Variants in GTF2A1 observed in about 807,000 individuals in gnomAD.
GTF2A1 encodes the protein general transcription factor IIA subunit 1, also known as transcription initiation factor IIA subunit 1.
Under a neutral mutation model 54.1 loss-of-function variants are expected in GTF2A1, and 12 were observed. The observed-to-expected ratio is 0.22, with a 90% confidence interval of 0.14 to 0.36. The LOEUF is 0.36. Ranked by LOEUF, GTF2A1 falls within the 10% of genes least tolerant of loss-of-function variation. The probability of loss-of-function intolerance (pLI) is 1.00; values close to 1 mark genes in which losing one functional copy is unlikely to be tolerated. For missense variants in GTF2A1, 335 were observed against 442.2 expected, an observed-to-expected ratio of 0.76 and a Z score of 2.17; for synonymous variants, 145 against 152.0, an observed-to-expected ratio of 0.95 and a Z score of 0.34.
At chr14:81,207,334 T>C (rs1893259816) in intron 2 of GTF2A1, among the ~76,000 whole-genome samples, 1 of 152,164 alleles carries the variant, frequency 6.6e-6, no homozygotes, top group South Asian at 2.1e-4. Context: ...GATGGGTTTA[T>C]CAGGTGTTTT....
intron 4 of GTF2A1, among the ~76,000 whole-genome samples, chr14:81,198,528 G>A (rs1893037273): frequency 6.6e-6 from 1 of 152,142 alleles, no homozygotes; most frequent in South Asian, 2.1e-4. Flanking sequence ...TTAAATCCAG[G>A]ACAAATTCTT....
chr14:81,205,966 A>G (rs2140032900), intron 2 of GTF2A1, among the ~76,000 whole-genome samples: 1 of 152,324 alleles, frequency 6.6e-6, no homozygotes, highest in Admixed American at 6.5e-5. Context: ...CAAACCTTCT[A>G]CATCTTCTCC....
intron 4 of GTF2A1, among the ~76,000 whole-genome samples, chr14:81,199,833 T>C (rs1893065409): frequency 1.3e-5 from 2 of 152,140 alleles, no homozygotes; most frequent in South Asian, 4.1e-4. Flanking sequence ...AAAATTCTTT[T>C]AGAGGGGCCT....
intron 2 of GTF2A1, among the ~76,000 whole-genome samples, chr14:81,211,908 T>TATATATATATA (rs987020246): frequency 7.2e-6 from 1 of 138,580 alleles, no homozygotes; most frequent in Non-Finnish European, 1.5e-5. Context: ...TATATATATA[T>TATATATATATA]AACTAGAGTA....
chr14:81,193,450 C>T (rs1485889745), intron 6 of GTF2A1, among the ~76,000 whole-genome samples: 5 of 152,082 alleles, frequency 3.3e-5, no homozygotes, highest in South Asian at 2.1e-4. Flanking sequence ...TGAGCCACAA[C>T]GCCTGGCCAA....
Position 81,201,614 on chromosome 14 carries a change from G to T in GTF2A1, c.382C>A (p.His128Asn), listed in dbSNP as rs1168154350. ...VIVPDSKLIQHMNASNMSAAA... is the reference protein window; with the variant it reads ...VIVPDSKLIQNMNASNMSAAA... ...CTTACCATGTTTGATGCATTCATAT[G>T]CTGTATCAACTTAGAATCTGGAACA... Residue 128 changes from histidine (H) to asparagine (N), a missense_variant, in exon 4 of 9, where the codon CAT (histidine) becomes AAT (asparagine). By Grantham distance (68) the His-to-Asn change is moderately conservative (BLOSUM62 1). Around this residue, in one of 2 missense-constraint regions of GTF2A1, gnomAD observed 306 missense variants for 360.4 expected, o/e 0.85. Coordinates refer to ENST00000553612, the MANE Select transcript of GTF2A1 (RefSeq NM_015859.4). 1 of 1,604,574 alleles carries T rather than the reference G, an allele frequency of 6.2e-7. No individual in the cohort carries two copies.
intron 7 of GTF2A1, among the ~76,000 whole-genome samples, chr14:81,188,467 T>C (rs1414901691): frequency 6.6e-6 from 1 of 152,168 alleles, no homozygotes; most frequent in African/African-American, 2.4e-5. Context: ...CTGGGTGTCA[T>C]GTCTAAGAAA....
At chr14:81,214,938 C>G (rs1395835893) in intron 2 of GTF2A1, among the ~76,000 whole-genome samples, 2 of 152,140 alleles carry the variant, frequency 1.3e-5, no homozygotes, top group Non-Finnish European at 2.9e-5. Flanking sequence ...AATCTGCCTT[C>G]CTACAATTAA....
chr14:81,187,380 G>A (rs572384297), intron 7 of GTF2A1, among the ~76,000 whole-genome samples: 2 of 151,960 alleles, frequency 1.3e-5, no homozygotes, highest in Admixed American at 6.6e-5. Flanking sequence ...AATCTCTGAG[G>A]TAAAATTCAA....
chr14:81,213,025 T>C (rs367686758), intron 2 of GTF2A1, among the ~76,000 whole-genome samples: 1 of 152,242 alleles, frequency 6.6e-6, no homozygotes, highest in East Asian at 1.9e-4. Flanking sequence ...CTAACCGTTT[T>C]ATTTTTAACT....
chr14:81,214,569 C>T (rs1456813467), intron 2 of GTF2A1, among the ~76,000 whole-genome samples: 7 of 151,154 alleles, frequency 4.6e-5, no homozygotes, highest in Non-Finnish European at 8.8e-5. Context: ...TGGCATGAAC[C>T]AGGGAGGCAA....
chr14:81,195,135 C>CAAAA (rs749038152), intron 6 of GTF2A1, among the ~76,000 whole-genome samples: 1 of 61,260 alleles, frequency 1.6e-5, no homozygotes, highest in Non-Finnish European at 3.7e-5. Flanking sequence ...GACTCTGTCT[C>CAAAA]AAAAAAAAAA....
rs143771454 is a variant in GTF2A1 at position 81,189,409 on chromosome 14, T to C, written c.933+3110A>G. Among the ~76,000 whole-genome samples, 1,370 of 152,248 alleles carry C rather than the reference T, an allele frequency of 9.0e-3. 15 individuals carry two copies. The highest frequency in any genetic ancestry group is 0.031 in the African/African-American group (1,283 of 41,542). The stretch of plus-strand genomic sequence containing the variant: ...TCAAGTGGCCAGGCGCGGTGGCTCA[T>C]GCCTATAATCCCAGCACTTTGGGAG... On this transcript the variant is annotated intron_variant, in intron 7 of 8. Coordinates refer to ENST00000553612, the MANE Select transcript of GTF2A1 (RefSeq NM_015859.4).
At chr14:81,188,777 GA>G (rs11307846) in intron 7 of GTF2A1, among the ~76,000 whole-genome samples, 137,985 of 144,772 alleles carry the variant, frequency 0.95, 65,936 homozygotes, top group Non-Finnish European at 1. Context: ...ACTCTGTCTC[GA>G]AAAAAAAAAA....
chr14:81,199,761 TG>T (rs1893064182), intron 4 of GTF2A1, among the ~76,000 whole-genome samples: 1 of 152,190 alleles, frequency 6.6e-6, no homozygotes, highest in South Asian at 2.1e-4. Context: ...AAGTAAGAGA[TG>T]GACCACTAAT....
chr14:81,220,982 CG>C (rs937718531), upstream of GTF2A1: 5 of 158,670 alleles, frequency 3.2e-5, no homozygotes, highest in African/African-American at 1.2e-4. Flanking sequence ...GAGGGAGGGG[CG>C]GAAAGGGCGG....
intron 2 of GTF2A1, among the ~76,000 whole-genome samples, chr14:81,207,966 G>T (rs187272252): frequency 3.9e-5 from 6 of 152,180 alleles, no homozygotes; most frequent in Non-Finnish European, 5.9e-5. Flanking sequence ...ACAAAGCATA[G>T]AAGTTCAGAA....
intron 4 of GTF2A1, among the ~76,000 whole-genome samples, chr14:81,199,970 T>TA (rs1893068554): frequency 1.3e-5 from 2 of 151,026 alleles, no homozygotes; most frequent in Admixed American, 1.3e-4. Flanking sequence ...GGGTGGAGGT[T>TA]AAAAAAAATT....
chr14:81,201,745 T>A, intron 3 of GTF2A1, 87 bp from the exon 4 acceptor site: 1 of 838,600 alleles, frequency 1.2e-6, no homozygotes, highest in Non-Finnish European at 2.0e-6. Flanking sequence ...TGATGAAAAC[T>A]TTTTTCATGT....
Sources: allele counts gnomAD v4.1 joint callset (sites outside exome capture counted in the v4.1 genomes callset), GRCh38; gene constraint gnomAD v4.1.1; regional missense constraint gnomAD v4.1.1; transcripts MANE v1.5; gene names NCBI Gene and HGNC (gene_info 2026-07-23, HGNC 2026-07-21).